The following ITFG1 variants were observed in gnomAD, a reference collection of about 807,000 sequenced individuals.
ITFG1 encodes the protein T-cell immunomodulatory protein.
In ITFG1, 34 loss-of-function variants were observed where a neutral mutation model predicts 81.8. The observed-to-expected ratio is 0.42, with a 90% CI of 0.32 to 0.55. The LOEUF (loss-of-function observed/expected upper bound fraction) is 0.55, where lower values mean the gene tolerates loss of function less well. ITFG1 is among the 20% of genes least tolerant of loss of function. The probability of loss-of-function intolerance (pLI) is 0.17; values close to 1 mark genes in which losing one functional copy is unlikely to be tolerated. For missense variants in ITFG1, 672 were observed against 755.4 expected (o/e 0.89, Z 1.29); for synonymous variants, 285 against 270.6 (o/e 1.05, Z -0.52).
At chr16:47,286,367 C>T (rs951215660) in intron 10 of ITFG1, among the ~76,000 whole-genome samples, 3 of 151,910 alleles carry the variant, frequency 2.0e-5, no homozygotes, top group Non-Finnish European at 4.4e-5. Flanking sequence ...AGGCTGGGCG[C>T]GGTGGCTCAC....
intron 8 of ITFG1, among the ~76,000 whole-genome samples, chr16:47,361,470 G>A (rs1968108534): frequency 6.6e-6 from 1 of 152,054 alleles, no homozygotes. Context: ...GATATTCAGA[G>A]CCTACGTAGA....
intron 7 of ITFG1, among the ~76,000 whole-genome samples, chr16:47,371,737 C>A (rs1376900153): frequency 6.6e-6 from 1 of 152,028 alleles, no homozygotes. Context: ...TTGATTGTCA[C>A]AAGTGGGAGG....
At chr16:47,394,538 C>T (rs1968570979) in intron 6 of ITFG1, among the ~76,000 whole-genome samples, 1 of 151,968 alleles carries the variant, frequency 6.6e-6, no homozygotes, top group African/African-American at 2.4e-5. Context: ...GTCAAAAGTA[C>T]TGTGTCATGT....
intron 8 of ITFG1, among the ~76,000 whole-genome samples, chr16:47,318,831 T>G (rs569465755): frequency 3.2e-4 from 48 of 152,342 alleles, no homozygotes; most frequent in African/African-American, 1.1e-3. Context: ...AACACTGATT[T>G]TATATGCAAT....
chr16:47,424,500 G>A (rs2151608042), intron 6 of ITFG1, among the ~76,000 whole-genome samples: 1 of 152,330 alleles, frequency 6.6e-6, no homozygotes, highest in Non-Finnish European at 1.5e-5. Flanking sequence ...ATCCTTTGGA[G>A]GAGAAGAGGT....
At chr16:47,326,408 T>G (rs951955258) in intron 8 of ITFG1, among the ~76,000 whole-genome samples, 7 of 152,282 alleles carry the variant, frequency 4.6e-5, no homozygotes, top group South Asian at 4.2e-4. Flanking sequence ...CTTTGAAAAC[T>G]GGCACAAGAC....
At chr16:47,214,921 AACACACACACACACACAC>A (rs57114470) in intron 14 of ITFG1, among the ~76,000 whole-genome samples, 1 of 145,032 alleles carries the variant, frequency 6.9e-6, no homozygotes, top group African/African-American at 2.5e-5. Context: ...CCAGTGTGAA[AACACACACACACACACAC>A]ACACACACAC....
chr16:47,155,898 G>A, intron 17 of ITFG1, 120 bp from the exon 18 acceptor site: 1 of 644,258 alleles, frequency 1.6e-6, no homozygotes, highest in Non-Finnish European at 2.6e-6. Flanking sequence ...TAATAGATAT[G>A]ATTTCCTAAT....
chr16:47,228,935 C>G (rs1416965133), intron 13 of ITFG1, among the ~76,000 whole-genome samples: 1 of 152,114 alleles, frequency 6.6e-6, no homozygotes, highest in Non-Finnish European at 1.5e-5. Flanking sequence ...ATTTATTTTT[C>G]AAGTTTTCAT....
chr16:47,245,016 C>A (rs185918683), intron 12 of ITFG1, among the ~76,000 whole-genome samples: 5 of 152,216 alleles, frequency 3.3e-5, no homozygotes, highest in Admixed American at 2.6e-4. Context: ...GTTATGGAAG[C>A]CTGAGCAGAC....
chr16:47,309,748 G>A (rs192491653), intron 10 of ITFG1, among the ~76,000 whole-genome samples: 21 of 152,300 alleles, frequency 1.4e-4, no homozygotes, highest in Admixed American at 1.4e-3. Flanking sequence ...GAGCTAAAAT[G>A]TTCACTGCTG....
At chr16:47,199,172 C>T (rs1481832383) in intron 14 of ITFG1, among the ~76,000 whole-genome samples, 2 of 151,962 alleles carry the variant, frequency 1.3e-5, no homozygotes, top group East Asian at 3.9e-4. Flanking sequence ...GAAGCTGAGG[C>T]AGGAGAATTG....
At chr16:47,224,232 A>G (rs1965731659) in intron 13 of ITFG1, among the ~76,000 whole-genome samples, 1 of 152,236 alleles carries the variant, frequency 6.6e-6, no homozygotes, top group African/African-American at 2.4e-5. Context: ...AATAAATAAA[A>G]GAAAATAATC....
intron 10 of ITFG1, among the ~76,000 whole-genome samples, chr16:47,293,709 T>A (rs1966943661): frequency 6.6e-6 from 1 of 151,758 alleles, no homozygotes; most frequent in Admixed American, 6.6e-5. Flanking sequence ...CTTGTATTTG[T>A]TTTTTTTGGT....
chr16:47,455,942 A>G (rs1253386051), intron 2 of ITFG1, among the ~76,000 whole-genome samples: 8 of 152,088 alleles, frequency 5.3e-5, no homozygotes, highest in Admixed American at 5.2e-4. Context: ...AGAAACTCCT[A>G]AAAGAGACAA....
intron 14 of ITFG1, among the ~76,000 whole-genome samples, chr16:47,175,621 C>T (rs1196790891): frequency 2.0e-5 from 3 of 152,184 alleles, no homozygotes; most frequent in Non-Finnish European, 4.4e-5. Context: ...AGCAACCTCT[C>T]CAATGCCAGT....
chr16:47,296,134 C>T (rs1289634786), intron 10 of ITFG1, among the ~76,000 whole-genome samples: 1 of 151,508 alleles, frequency 6.6e-6, no homozygotes, highest in Non-Finnish European at 1.5e-5. Flanking sequence ...GTAGGTCTCG[C>T]TATGTTGGCC....
chr16:47,291,376 C>T (rs1966903649), intron 10 of ITFG1, among the ~76,000 whole-genome samples: 1 of 151,764 alleles, frequency 6.6e-6, no homozygotes, highest in Admixed American at 6.6e-5. Flanking sequence ...AATTTTTTTC[C>T]TGTCTCTGCC....
chr16:47,191,829 T>C (rs1363884476), intron 14 of ITFG1, among the ~76,000 whole-genome samples: 2 of 152,118 alleles, frequency 1.3e-5, no homozygotes, highest in Admixed American at 6.5e-5. Context: ...TTTATTTATT[T>C]AACACAGGGT....
Sources: allele counts gnomAD v4.1 joint callset (sites outside exome capture counted in the v4.1 genomes callset), GRCh38; gene constraint gnomAD v4.1.1; transcripts MANE v1.5; gene names NCBI Gene and HGNC (gene_info 2026-07-23, HGNC 2026-07-21).